The following KLF13 variants were observed in gnomAD, a reference collection of about 807,000 sequenced individuals.
KLF13 encodes Krueppel-like factor 13.
KLF13 carries 8 observed loss-of-function variants against 16.7 expected under a neutral mutation model. The ratio of observed to expected loss-of-function variants is 0.48; its 90% CI spans 0.28 to 0.87. The LOEUF (loss-of-function observed/expected upper bound fraction) is 0.87, where lower values mean the gene tolerates loss of function less well. KLF13 is among the 40% of genes least tolerant of loss of function. The probability of loss-of-function intolerance (pLI) is 0.10; values close to 1 mark genes in which losing one functional copy is unlikely to be tolerated. For missense variants in KLF13, 447 were observed against 452.2 expected, an observed-to-expected ratio of 0.99 and a Z score of 0.10; for synonymous variants, 245 against 208.4, an observed-to-expected ratio of 1.18 and a Z score of -1.51.
intron 1 of KLF13, among the ~76,000 whole-genome samples, chr15:31,430,678 G>A (rs1317228957): frequency 6.6e-6 from 1 of 152,036 alleles, no homozygotes; most frequent in Non-Finnish European, 1.5e-5. Flanking sequence ...TACTTTCTAG[G>A]GGACACATTC....
At chr15:31,392,382 C>T (rs1250575387), upstream of KLF13, among the ~76,000 whole-genome samples, 2 of 152,202 alleles carry the variant, frequency 1.3e-5, no homozygotes, top group Non-Finnish European at 2.9e-5. Context: ...CGCCGAGTCA[C>T]GGGTCGCGGG....
At chr15:31,353,265 G>A (rs963613183) in intron 1 of KLF13, among the ~76,000 whole-genome samples, 7 of 152,212 alleles carry the variant, frequency 4.6e-5, no homozygotes, top group African/African-American at 1.7e-4. Context: ...ACAGCCGCCT[G>A]TGCTGGGCCT....
intron 1 of KLF13, among the ~76,000 whole-genome samples, chr15:31,430,779 A>C (rs1427294669): frequency 6.6e-6 from 1 of 152,230 alleles, no homozygotes; most frequent in Non-Finnish European, 1.5e-5. Flanking sequence ...TAATCATGTA[A>C]ATTCAAATCA....
chr15:31,372,563 T>C lies in KLF13; in HGVS notation c.*264T>C, dbSNP rs1463357968. On this transcript the variant is annotated 3_prime_UTR_variant, in exon 2 of 2. Transcript: ENST00000307145. ...CCCCCTTTCTCAGGGATGGACACGT[T>C]TCACGAGGTCAGTGAGGACACCCCT... 1 of 488,294 alleles carries C rather than the reference T, an allele frequency of 2.0e-6. No homozygotes were observed. Among genetic ancestry groups the C allele is most frequent in the Admixed American group, 3.8e-5 (1 of 26,152 alleles). 30.2% of individuals were successfully genotyped at this position (488,294 alleles called of 1,614,324 possible). A position where few individuals can be genotyped will look rare whatever the true frequency, so the allele number is the denominator to read the frequency against.
chr15:31,352,640 C>A (rs1295557243), intron 1 of KLF13, among the ~76,000 whole-genome samples: 1 of 152,260 alleles, frequency 6.6e-6, no homozygotes, highest in African/African-American at 2.4e-5. Context: ...ATCTTCAGGG[C>A]TGGGTCTACC....
intron 1 of KLF13, among the ~76,000 whole-genome samples, chr15:31,353,341 G>A (rs960631649): frequency 2.6e-5 from 4 of 152,134 alleles, no homozygotes; most frequent in African/African-American, 9.7e-5. Context: ...TTCTGTAACC[G>A]TAGCTGCAGG....
chr15:31,409,930 A>C (rs2040171776), intron 1 of KLF13, among the ~76,000 whole-genome samples: 1 of 152,234 alleles, frequency 6.6e-6, no homozygotes, highest in Non-Finnish European at 1.5e-5. Context: ...TTGAATTTAC[A>C]GAAAAACATA....
intron 1 of KLF13, among the ~76,000 whole-genome samples, chr15:31,337,517 G>T (rs1021658216): frequency 6.6e-6 from 1 of 152,166 alleles, no homozygotes; most frequent in Non-Finnish European, 1.5e-5. Context: ...GTTCTGAGAA[G>T]TGTGTTGTTA....
intron 1 of KLF13, among the ~76,000 whole-genome samples, chr15:31,343,936 G>A (rs1258023922): frequency 3.3e-5 from 5 of 152,180 alleles, no homozygotes; most frequent in African/African-American, 1.2e-4. Flanking sequence ...TTTGTATAAT[G>A]TGTTCAGTGT....
chr15:31,339,371 ACTTTT>A (rs913826998), intron 1 of KLF13, among the ~76,000 whole-genome samples: 3 of 152,066 alleles, frequency 2.0e-5, no homozygotes, highest in Non-Finnish European at 2.9e-5. Flanking sequence ...TGATTCATTG[ACTTTT>A]CTTTTAGACG....
chr15:31,345,599 C>T (rs1470568540), intron 1 of KLF13, among the ~76,000 whole-genome samples: 1 of 152,188 alleles, frequency 6.6e-6, no homozygotes, highest in Non-Finnish European at 1.5e-5. Flanking sequence ...ACGGAGAAAG[C>T]CCGGGAGGTG....
chr15:31,400,183 G>C (rs530842688), intron 2 of KLF13, among the ~76,000 whole-genome samples: 88 of 152,184 alleles, frequency 5.8e-4, no homozygotes, highest in Non-Finnish European at 1.2e-3. Context: ...TCCTCAATGG[G>C]GAAAAGGTAT....
At position 31,377,439 on chromosome 15, in the gene KLF13, A is replaced by T. The variant is rs904674446; in HGVS notation, c.*5140A>T. 1.0e-4 allele frequency: 16 copies of T among 152,516 alleles called. No homozygotes were observed. The highest frequency in any genetic ancestry group is 3.1e-4 in the African/African-American group (13 of 41,354). The allele number at this position is 152,516 out of a possible 1,614,324, so 9.4% of individuals were successfully genotyped here. ...TTTCGGTGGTTCCTTGGTGACTGGG[A>T]ATTGCTTGTGTGCATGTGTTGGGTG... is the stretch of plus-strand genomic sequence containing the variant. On this transcript the variant is annotated 3_prime_UTR_variant, in exon 2 of 2. Transcript: ENST00000307145.
intron 1 of KLF13, among the ~76,000 whole-genome samples, chr15:31,413,241 A>G (rs922611441): frequency 3.2e-4 from 48 of 151,500 alleles, no homozygotes; most frequent in Non-Finnish European, 1.9e-4. Context: ...TATGCGGGAC[A>G]CCATTAAACA....
chr15:31,344,481 G>C (rs2039080608), intron 1 of KLF13, among the ~76,000 whole-genome samples: 1 of 152,186 alleles, frequency 6.6e-6, no homozygotes, highest in Non-Finnish European at 1.5e-5. Context: ...TCAGTGCCTT[G>C]GCTGGTGGCC....
chr15:31,356,603 C>T (rs1299570767), intron 1 of KLF13, among the ~76,000 whole-genome samples: 6 of 152,176 alleles, frequency 3.9e-5, no homozygotes. Context: ...TGCGTTAATT[C>T]ACTTAGGAGA....
downstream of KLF13, chr15:31,377,947 G>C (rs796840593): frequency 2.3e-4 from 35 of 152,390 alleles, no homozygotes; most frequent in African/African-American, 8.4e-4. Context: ...AGAGGCTCCG[G>C]GAGGGGAGGG....
At chr15:31,425,806 G>A (rs2040393626) in intron 1 of KLF13, among the ~76,000 whole-genome samples, 1 of 152,162 alleles carries the variant, frequency 6.6e-6, no homozygotes. Flanking sequence ...GAATCCAGGA[G>A]GCGGAGGTTG....
At chr15:31,422,286 TAAAGG>T (rs1245715149) in intron 1 of KLF13, among the ~76,000 whole-genome samples, 1 of 152,122 alleles carries the variant, frequency 6.6e-6, no homozygotes, top group African/African-American at 2.4e-5. Flanking sequence ...GGGTAATTTA[TAAAGG>T]AAAGAGGTTT....
Sources: gnomAD v4.1 joint callset for allele counts (sites outside exome capture counted in the v4.1 genomes callset) on GRCh38, gnomAD v4.1.1 for gene constraint, MANE v1.5 for transcripts, NCBI Gene and HGNC (gene_info 2026-07-23, HGNC 2026-07-21) for gene names.